The following YLPM1 variants were observed in gnomAD, a reference collection of about 807,000 sequenced individuals.
YLPM1 encodes the protein YLP motif-containing protein 1.
A neutral mutation model predicts 230.0 loss-of-function variants in YLPM1; 99 were observed. The ratio of observed to expected loss-of-function variants is 0.43; its 90% confidence interval spans 0.37 to 0.51. The LOEUF (loss-of-function observed/expected upper bound fraction) is 0.51. YLPM1 is among the 20% of genes least tolerant of loss of function. The pLI is 0.00. For missense variants in YLPM1, 2,592 were observed against 2,707.7 expected (o/e 0.96, Z 0.95); for synonymous variants, 984 against 942.5 (o/e 1.04, Z -0.81).
Position 74,782,270 on chromosome 14 carries a change from G to A in YLPM1, c.2227G>A (p.Gly743Ser), listed in dbSNP as rs758806592. 3 of 1,577,862 alleles carry A rather than the reference G, an allele frequency of 1.9e-6. No individual in the cohort carries two copies. Among genetic ancestry groups the A allele is most frequent in the Non-Finnish European group, 2.6e-6 (3 of 1,170,800 alleles). ...GAAGGACATGCCAGTGAGATCAGGT[G>A]GCCTGCTTCCAGATCCTCCTAGAAG... ...AVKDMPVRSGGLLPDPPRSSY... is the reference protein window; with the variant it reads ...AVKDMPVRSGSLLPDPPRSSY... The change falls in exon 4 of 21, where the codon GGC (glycine) becomes AGC (serine). Residue 743 changes from glycine (G) to serine (S), a missense_variant. Transcript: ENST00000325680.
At chr14:74,816,885 G>A in intron 13 of YLPM1, 46 bp from the exon 14 acceptor site, 2 of 1,514,684 alleles carry the variant, frequency 1.3e-6, no homozygotes, top group Non-Finnish European at 8.8e-7. Flanking sequence ...GGTTTTGGAT[G>A]ATTCTTTGCT....
At chr14:74,796,723 C>T (rs1052915150) in intron 4 of YLPM1, among the ~76,000 whole-genome samples, 10 of 150,698 alleles carry the variant, frequency 6.6e-5, no homozygotes, top group Admixed American at 1.3e-4. Context: ...AATGTCAGAA[C>T]CTACTCTTAA....
rs2270430 is a variant in YLPM1, at chr14:74,803,733, C to G, written c.4521+1057C>G. Among the ~76,000 whole-genome samples the G allele has an allele frequency of 2.5e-3, 384 of 151,112 alleles. 5 individuals carry two copies. In the East Asian group the frequency reaches 0.048, roughly 19 times the overall value. On this transcript the variant is annotated intron_variant, in intron 6 of 20. Coordinates refer to ENST00000325680, the MANE Select transcript of YLPM1 (RefSeq NM_019589.3). Reference sequence around the variant, plus strand: ...TGAAACCTGAAAATCAACCCTCCATCTTGCTCCATCTTGCTGATTTGTCCT... The same window carrying G: ...TGAAACCTGAAAATCAACCCTCCATGTTGCTCCATCTTGCTGATTTGTCCT...
intron 5 of YLPM1, among the ~76,000 whole-genome samples, chr14:74,802,227 A>G (rs1202396101): frequency 6.6e-6 from 1 of 151,946 alleles, no homozygotes; most frequent in East Asian, 1.9e-4. Flanking sequence ...CAAAAAAAAA[A>G]AAAAAAAAAT....
chr14:74,802,447 T>C, intron 5 of YLPM1, 109 bp from the exon 6 acceptor site: 2 of 1,347,588 alleles, frequency 1.5e-6, no homozygotes, highest in Non-Finnish European at 9.9e-7. Context: ...CAGAGAATTT[T>C]AGGACAAGGA....
intron 4 of YLPM1, among the ~76,000 whole-genome samples, chr14:74,786,192 T>C (rs1229251272): frequency 6.6e-6 from 1 of 151,794 alleles, no homozygotes; most frequent in Non-Finnish European, 1.5e-5. Flanking sequence ...TGAAACCCCA[T>C]CTCTACTAAA....
chr14:74,765,243 T>TA (rs1353128457), intron 1 of YLPM1, among the ~76,000 whole-genome samples: 8 of 152,312 alleles, frequency 5.3e-5, no homozygotes, highest in Non-Finnish European at 8.8e-5. Context: ...AATCAATTGT[T>TA]ATGATTTCCT....
At chr14:74,815,284 A>G (rs1228451302) in intron 11 of YLPM1, among the ~76,000 whole-genome samples, 1 of 152,068 alleles carries the variant, frequency 6.6e-6, no homozygotes, top group African/African-American at 2.4e-5. Context: ...GATCTTAGTC[A>G]GGCGTGGTGG....
intron 16 of YLPM1, 67 bp from the exon 17 acceptor site, chr14:74,820,990 A>G (rs926811399): frequency 1.1e-5 from 15 of 1,387,136 alleles, no homozygotes; most frequent in Middle Eastern, 1.9e-4. Flanking sequence ...CCAGATCTCA[A>G]TGAGGGAGTC....
At position 74,813,357 on chromosome 14, in the gene YLPM1, T is replaced by TTTCA. The variant is rs573393233; in HGVS notation, c.5502+579_5502+582dup. Among the ~76,000 whole-genome samples, 139 of 152,330 alleles carry TTTCA rather than the reference T, an allele frequency of 9.1e-4. 1 individual carries two copies. The highest frequency in any genetic ancestry group is 6.8e-3 in the Middle Eastern group (2 of 294). On this transcript the variant is annotated intron_variant, in intron 11 of 20. Transcript: ENST00000325680. ...GATAAATCTTTTACCATTTCCTTCC[T>TTTCA]TTCATTCTATTTGTATCTTTTAATG...
intron 4 of YLPM1, among the ~76,000 whole-genome samples, chr14:74,792,251 C>G (rs1330556997): frequency 6.6e-6 from 1 of 152,184 alleles, no homozygotes; most frequent in East Asian, 1.9e-4. Context: ...TTCACTACTT[C>G]GCATAGACCA....
At position 74,798,422 on chromosome 14, in the gene YLPM1, G is replaced by C. The variant is rs923338424; in HGVS notation, c.3125G>C (p.Gly1042Ala). The C allele has an allele frequency of 1.2e-6, 2 of 1,613,864 alleles. No individual in the cohort carries two copies. The highest frequency in any genetic ancestry group is 1.3e-5 in the African/African-American group (1 of 74,916). ...RDKGLVNRGRGQAISRGPGLV... is the reference protein window; with the variant it reads ...RDKGLVNRGRAQAISRGPGLV... ...AAAGGTCTAGTAAACAGAGGTCGCG[G>C]CCAGGCAATCAGTCGAGGCCCAGGA... Residue 1042 changes from glycine (G) to alanine (A), a missense_variant, in exon 5 of 21, where the codon GGC (glycine) becomes GCC (alanine). Physicochemically the swap from Gly to Ala is moderately conservative, Grantham distance 60. Coordinates refer to ENST00000325680, the MANE Select transcript of YLPM1 (RefSeq NM_019589.3).
chr14:74,801,293 A>T (rs2091322237), intron 5 of YLPM1, among the ~76,000 whole-genome samples: 1 of 152,124 alleles, frequency 6.6e-6, no homozygotes, highest in Non-Finnish European at 1.5e-5. Flanking sequence ...ATCATAAGGG[A>T]TGTGATGATG....
Position 74,798,302 on chromosome 14 carries a change from G to T in YLPM1, c.3005G>T (p.Arg1002Leu). 6.2e-7 allele frequency: 1 copy of T among 1,613,850 alleles called. No individual in the cohort carries two copies. The highest frequency in any genetic ancestry group is 8.5e-7 in the Non-Finnish European group (1 of 1,179,868). The change falls in exon 5 of 21, where the codon CGG (arginine) becomes CTG (leucine). Residue 1002 changes from arginine (R) to leucine (L), a missense_variant. Physicochemically the swap from Arg to Leu is moderately radical, Grantham distance 102 (BLOSUM62 -2). Around this residue, in one of 4 missense-constraint regions of YLPM1, gnomAD observed 1,862 missense variants for 1,819.8 expected, o/e 1.02. Transcript: ENST00000325680. ...AACAACCAAGATAAAGGCCTGCCTC[G>T]GCCAGATAATAGAGATAATAGATTA... ...SENNQDKGLP[R>L]PDNRDNRLEG...
rs778666327 is a variant in YLPM1, at chr14:74,763,992, C to G, written c.503C>G (p.Pro168Arg). Residue 168 changes from proline (P) to arginine (R), a missense_variant, in exon 1 of 21, where the codon CCT becomes CGT. Coordinates refer to ENST00000325680, the MANE Select transcript of YLPM1 (RefSeq NM_019589.3). ...MPPSQSYMPP[P>R]QPPPSYYPPT... ...CCATCTCAGTCTTACATGCCCCCAC[C>G]TCAGCCGCCACCCTCTTACTACCCC... is the stretch of plus-strand genomic sequence containing the variant. 3 of 1,595,492 alleles carry G rather than the reference C, an allele frequency of 1.9e-6. No homozygotes were observed. Among genetic ancestry groups the G allele is most frequent in the Non-Finnish European group, 2.6e-6 (3 of 1,171,890 alleles).
At chr14:74,829,442 A>C in intron 19 of YLPM1, 99 bp downstream of exon 19, 1 of 1,506,406 alleles carries the variant, frequency 6.6e-7, no homozygotes, top group Admixed American at 1.8e-5. Flanking sequence ...TGCTATTTTT[A>C]GAATGATTTA....
chr14:74,787,684 A>G (rs2091163257), intron 4 of YLPM1, among the ~76,000 whole-genome samples: 1 of 152,132 alleles, frequency 6.6e-6, no homozygotes, highest in African/African-American at 2.4e-5. Context: ...TTTGTATTTT[A>G]AAGTTTAAAG....
intron 4 of YLPM1, among the ~76,000 whole-genome samples, chr14:74,787,736 C>T (rs924669114): frequency 5.3e-5 from 8 of 151,482 alleles, no homozygotes; most frequent in African/African-American, 9.7e-5. Context: ...ATAAAGGGGC[C>T]GGGCATGGTG....
At chr14:74,825,891 G>C (rs568115011) in intron 18 of YLPM1, among the ~76,000 whole-genome samples, 1 of 152,236 alleles carries the variant, frequency 6.6e-6, no homozygotes, top group African/African-American at 2.4e-5. Flanking sequence ...GAATTTAGTT[G>C]TGATGATTAT....
Sources: gnomAD v4.1 joint callset for allele counts (sites outside exome capture counted in the v4.1 genomes callset) on GRCh38, gnomAD v4.1.1 for gene constraint, gnomAD v4.1.1 regional missense constraint, MANE v1.5 for transcripts, NCBI Gene and HGNC (gene_info 2026-07-23, HGNC 2026-07-21) for gene names.